Variants in ZBTB20 observed in about 807,000 individuals in gnomAD.
ZBTB20 encodes the protein zinc finger and BTB domain-containing protein 20.
A neutral mutation model predicts 56.9 loss-of-function variants in ZBTB20; 9 were observed. The ratio of observed to expected loss-of-function variants is 0.16; its 90% CI spans 0.10 to 0.28. The LOEUF (loss-of-function observed/expected upper bound fraction) is 0.28, where lower values mean the gene tolerates loss of function less well. ZBTB20 is among the 10% of genes least tolerant of loss of function. The pLI is 1.00. For missense variants in ZBTB20, 655 were observed against 1,003.0 expected (o/e 0.65, Z 4.69); for synonymous variants, 417 against 420.7 (o/e 0.99, Z 0.11).
intron 7 of ZBTB20, among the ~76,000 whole-genome samples, chr3:114,466,260 T>A (rs532416205): frequency 6.6e-6 from 1 of 152,318 alleles, no homozygotes; most frequent in Admixed American, 6.5e-5. Flanking sequence ...CCTAATATTA[T>A]TGTAAGCACT....
chr3:114,973,739 A>G (rs1374733222), intron 3 of ZBTB20, among the ~76,000 whole-genome samples: 1 of 152,118 alleles, frequency 6.6e-6, no homozygotes, highest in African/African-American at 2.4e-5. Flanking sequence ...CTCACTGGAA[A>G]ATCTAACCAT....
chr3:114,832,066 T>A (rs1466422668), intron 4 of ZBTB20, among the ~76,000 whole-genome samples: 1 of 152,068 alleles, frequency 6.6e-6, no homozygotes, highest in African/African-American at 2.4e-5. Context: ...TATAGACAGG[T>A]CTGAAAAAAC....
chr3:114,812,120 G>A (rs1341828430), intron 4 of ZBTB20, among the ~76,000 whole-genome samples: 1 of 152,186 alleles, frequency 6.6e-6, no homozygotes, highest in Non-Finnish European at 1.5e-5. Flanking sequence ...TTATTGCAAA[G>A]AGTGAAAGAA....
intron 5 of ZBTB20, among the ~76,000 whole-genome samples, chr3:114,787,181 T>C (rs2070559710): frequency 1.3e-5 from 2 of 151,478 alleles, no homozygotes; most frequent in Admixed American, 6.6e-5. Flanking sequence ...TCTCCCTGTG[T>C]TGTCCAGGCT....
At chr3:115,090,665 G>C (rs977077045) in intron 1 of ZBTB20, among the ~76,000 whole-genome samples, 1 of 151,492 alleles carries the variant, frequency 6.6e-6, no homozygotes, top group African/African-American at 2.4e-5. Flanking sequence ...TCTTTAATTA[G>C]AGCAGTAATG....
Position 114,745,505 on chromosome 3 carries a change from G to A in ZBTB20, c.-342-51930C>T, listed in dbSNP as rs2066973047. ...CACTAGTCAATCAATACTAAGCACC[G>A]AAGACTGAATCACCCAAAGATACAA... On this transcript the variant is annotated intron_variant, in intron 5 of 11. Coordinates refer to ENST00000675478, the MANE Select transcript of ZBTB20 (RefSeq NM_001348800.3). Among the ~76,000 whole-genome samples, 3 of 152,260 alleles carry A rather than the reference G, an allele frequency of 2.0e-5. No homozygotes were observed. In the South Asian group the frequency reaches 6.2e-4, roughly 32 times the overall value.
At chr3:114,893,570 C>T (rs2076899918) in intron 4 of ZBTB20, among the ~76,000 whole-genome samples, 1 of 152,116 alleles carries the variant, frequency 6.6e-6, no homozygotes. Context: ...CCAGGGTACA[C>T]AACACACCTA....
chr3:114,970,782 G>A (rs1010964263), intron 3 of ZBTB20, among the ~76,000 whole-genome samples: 9 of 152,144 alleles, frequency 5.9e-5, no homozygotes, highest in African/African-American at 1.9e-4. Context: ...TTGGGAGGCC[G>A]AGGCGGGCAG....
intron 5 of ZBTB20, among the ~76,000 whole-genome samples, chr3:114,723,688 G>C (rs2065069183): frequency 6.6e-6 from 1 of 152,178 alleles, no homozygotes; most frequent in East Asian, 1.9e-4. Context: ...TGTGCAGCTA[G>C]AGTTGAGGAC....
At chr3:115,020,349 A>C (rs1339896666) in intron 2 of ZBTB20, among the ~76,000 whole-genome samples, 2 of 151,190 alleles carry the variant, frequency 1.3e-5, no homozygotes, top group African/African-American at 4.8e-5. Context: ...GTATTTTCAC[A>C]ACAGTTCAAA....
At chr3:114,763,493 G>T (rs1346212997) in intron 5 of ZBTB20, among the ~76,000 whole-genome samples, 1 of 152,058 alleles carries the variant, frequency 6.6e-6, no homozygotes, top group African/African-American at 2.4e-5. Flanking sequence ...TAGAACATAT[G>T]CATAGAACAT....
intron 5 of ZBTB20, among the ~76,000 whole-genome samples, chr3:114,708,554 C>G (rs1347370135): frequency 6.6e-6 from 1 of 152,120 alleles, no homozygotes; most frequent in Non-Finnish European, 1.5e-5. Flanking sequence ...GTAACCTTGT[C>G]TGACAATAGA....
chr3:114,682,360 C>T (rs982821349), intron 6 of ZBTB20, among the ~76,000 whole-genome samples: 1 of 152,068 alleles, frequency 6.6e-6, no homozygotes, highest in Non-Finnish European at 1.5e-5. Flanking sequence ...TTCTACAATG[C>T]CTTTTGTATG....
chr3:114,650,226 T>TC (rs34550771), intron 6 of ZBTB20, among the ~76,000 whole-genome samples: 36,120 of 151,690 alleles, frequency 0.24, 7,815 homozygotes, highest in African/African-American at 0.58. Context: ...TATAAAGCAT[T>TC]ATTATTAACT....
intron 5 of ZBTB20, among the ~76,000 whole-genome samples, chr3:114,798,986 A>G (rs937523088): frequency 6.6e-6 from 1 of 151,732 alleles, no homozygotes; most frequent in Non-Finnish European, 1.5e-5. Flanking sequence ...TGTATGTAAA[A>G]AAGAAAAAAA....
chr3:114,520,628 T>C (rs1457112556), intron 6 of ZBTB20, among the ~76,000 whole-genome samples: 1 of 152,166 alleles, frequency 6.6e-6, no homozygotes, highest in East Asian at 1.9e-4. Flanking sequence ...TTATTAAACA[T>C]ATTTCAGACT....
At chr3:114,683,039 T>C (rs2062081002) in intron 6 of ZBTB20, among the ~76,000 whole-genome samples, 1 of 152,164 alleles carries the variant, frequency 6.6e-6, no homozygotes, top group Non-Finnish European at 1.5e-5. Flanking sequence ...AAGAAGGAAT[T>C]TTTTTTTCAG....
intron 7 of ZBTB20, among the ~76,000 whole-genome samples, chr3:114,478,832 C>T (rs995563955): frequency 1.3e-4 from 19 of 151,922 alleles, no homozygotes; most frequent in Non-Finnish European, 4.4e-5. Flanking sequence ...AAATAGATAC[C>T]AAATTAAGTA....
intron 3 of ZBTB20, among the ~76,000 whole-genome samples, chr3:114,972,472 G>A (rs1163048715): frequency 6.6e-6 from 1 of 152,068 alleles, no homozygotes; most frequent in Non-Finnish European, 1.5e-5. Flanking sequence ...TATTTGTGAA[G>A]ATGGAAAAAT....
Sources: allele counts gnomAD v4.1 joint callset (sites outside exome capture counted in the v4.1 genomes callset), GRCh38; gene constraint gnomAD v4.1.1; transcripts MANE v1.5; gene names NCBI Gene and HGNC (gene_info 2026-07-23, HGNC 2026-07-21).